The following AP1S3 variants were observed in gnomAD, a reference collection of about 807,000 sequenced individuals.
AP1S3 encodes AP-1 complex subunit sigma-3.
Under a neutral mutation model 20.9 loss-of-function variants are expected in AP1S3, and 10 were observed. The observed-to-expected ratio is 0.48, with a 90% CI of 0.29 to 0.81. The LOEUF is 0.81. AP1S3 is among the 30% of genes least tolerant of loss of function. AP1S3 has a pLI of 0.08. For missense variants in AP1S3, 154 were observed against 183.8 expected, an observed-to-expected ratio of 0.84 and a Z score of 0.94; for synonymous variants, 41 against 61.5, an observed-to-expected ratio of 0.67 and a Z score of 1.56.
chr2:223,778,698 C>CTT lies in AP1S3; in HGVS notation c.4-831_4-830dup, dbSNP rs548128939. 5.4e-4 allele frequency among the ~76,000 whole-genome samples: 78 copies of CTT among 144,156 alleles called. 1 individual carries two copies. The highest frequency in any genetic ancestry group is 1.7e-3 in the African/African-American group (64 of 38,472). The allele number at this position is 144,156 out of a possible 152,430, so 94.6% of individuals were successfully genotyped here. A position where few individuals can be genotyped will look rare whatever the true frequency, so the allele number is the denominator to read the frequency against. On this transcript the variant is annotated intron_variant, in intron 1 of 4. Transcript: ENST00000396654. ...AATGAGAAGCTGTCTTAAATGTAAG[C>CTT]TTTTTTTTTTTCTTTTGAGACAGAG...
Position 223,758,308 on chromosome 2 carries a change from A to T in AP1S3, c.*407T>A, listed in dbSNP as rs1480483463. On this transcript the variant is annotated 3_prime_UTR_variant, in exon 5 of 5. Transcript: ENST00000396654. ...AATTTAGAAAACTAAACATTTAGAAAAAGTATTAATGACATCATATATACT... is the reference window on the plus strand; with the variant it reads ...AATTTAGAAAACTAAACATTTAGAATAAGTATTAATGACATCATATATACT... 1.0e-6 allele frequency: 1 copy of T among 979,052 alleles called. No individual in the cohort carries two copies. The highest frequency in any genetic ancestry group is 1.2e-6 in the Non-Finnish European group (1 of 822,968). 60.6% of individuals were successfully genotyped at this position (979,052 alleles called of 1,614,324 possible).
At chr2:223,799,697 T>C (rs1691422392) in intron 1 of AP1S3, among the ~76,000 whole-genome samples, 2 of 152,190 alleles carry the variant, frequency 1.3e-5, no homozygotes, top group Admixed American at 1.3e-4. Flanking sequence ...TAATAACTCA[T>C]TCCTAGACTC....
At chr2:223,802,615 A>C (rs975322991) in intron 1 of AP1S3, among the ~76,000 whole-genome samples, 5 of 152,018 alleles carry the variant, frequency 3.3e-5, no homozygotes, top group Admixed American at 6.6e-5. Context: ...AAGAGCTCTT[A>C]AACAACTTTA....
chr2:223,816,640 T>C (rs374675786), intron 1 of AP1S3, among the ~76,000 whole-genome samples: 7 of 152,236 alleles, frequency 4.6e-5, no homozygotes, highest in African/African-American at 1.7e-4. Context: ...AAGCCTGAGG[T>C]TGTCCCAGCA....
At chr2:223,787,349 A>G (rs1691101406) in intron 1 of AP1S3, among the ~76,000 whole-genome samples, 1 of 152,242 alleles carries the variant, frequency 6.6e-6, no homozygotes, top group African/African-American at 2.4e-5. Flanking sequence ...GAATACAAGA[A>G]GAAATATTTA....
At chr2:223,824,481 C>T (rs953121703) in intron 1 of AP1S3, among the ~76,000 whole-genome samples, 3 of 152,210 alleles carry the variant, frequency 2.0e-5, no homozygotes, top group African/African-American at 7.2e-5. Flanking sequence ...GTGGCTGAGG[C>T]ACCGCCTGAC....
intron 1 of AP1S3, among the ~76,000 whole-genome samples, chr2:223,831,709 T>C (rs1386221488): frequency 6.6e-6 from 1 of 152,100 alleles, no homozygotes; most frequent in Admixed American, 6.5e-5. Context: ...AAGTTTCAGG[T>C]CTCTGGGAGA....
At chr2:223,790,529 C>T (rs1447807668) in intron 1 of AP1S3, among the ~76,000 whole-genome samples, 1 of 152,074 alleles carries the variant, frequency 6.6e-6, no homozygotes, top group Non-Finnish European at 1.5e-5. Flanking sequence ...CCACTGCGCC[C>T]AGTAATCGTT....
At chr2:223,797,123 T>C (rs1691355746) in intron 1 of AP1S3, among the ~76,000 whole-genome samples, 1 of 152,188 alleles carries the variant, frequency 6.6e-6, no homozygotes, top group Non-Finnish European at 1.5e-5. Context: ...TAGCACCAGT[T>C]AGTGGGGATC....
chr2:223,784,949 A>C (rs890176442), intron 1 of AP1S3, among the ~76,000 whole-genome samples: 5 of 152,228 alleles, frequency 3.3e-5, no homozygotes. Flanking sequence ...ATTAGCATAC[A>C]AAAACAATAA....
chr2:223,795,087 T>C lies in AP1S3; in HGVS notation c.4-17218A>G, dbSNP rs574014042. On this transcript the variant is annotated intron_variant, in intron 1 of 4. Transcript: ENST00000396654. ...CAATATGGAGAAACCCCATCTCTAC[T>C]ACAAATACAAAATTAGCCGGGCGTG... Among the ~76,000 whole-genome samples the C allele has an allele frequency of 7.9e-5, 12 of 152,180 alleles. No individual in the cohort carries two copies. The East Asian group carries it at 2.1e-3, about 27-fold the overall frequency.
intron 1 of AP1S3, among the ~76,000 whole-genome samples, chr2:223,788,597 C>CAAAA (rs550638882): frequency 5.8e-5 from 6 of 104,052 alleles, no homozygotes; most frequent in African/African-American, 2.0e-4. Flanking sequence ...ACTAAAAATA[C>CAAAA]AAAAAAAAAA....
Position 223,755,767 on chromosome 2 carries a change from G to A in AP1S3, c.*2948C>T, listed in dbSNP as rs1690198542. 2.3e-6 allele frequency: 2 copies of A among 879,148 alleles called. No homozygotes were observed. The highest frequency in any genetic ancestry group is 2.7e-6 in the Non-Finnish European group (2 of 733,290). The allele number at this position is 879,148 out of a possible 1,614,324, so 54.5% of individuals were successfully genotyped here. A position where few individuals can be genotyped will look rare whatever the true frequency, so the allele number is the denominator to read the frequency against. On this transcript the variant is annotated 3_prime_UTR_variant, in exon 5 of 5. Transcript: ENST00000396654. ...GCTGGTCTCGAACTCCTGACCTCAG[G>A]TGATCTGCCGCCTTGACCTCCCAAA...
chr2:223,824,272 G>T (rs1035469621), intron 1 of AP1S3, among the ~76,000 whole-genome samples: 1 of 152,038 alleles, frequency 6.6e-6, no homozygotes, highest in Non-Finnish European at 1.5e-5. Flanking sequence ...CAAAGTGCGG[G>T]GATTATAGAT....
At chr2:223,831,242 C>T (rs554056687) in intron 1 of AP1S3, among the ~76,000 whole-genome samples, 3 of 152,264 alleles carry the variant, frequency 2.0e-5, no homozygotes, top group African/African-American at 7.2e-5. Context: ...GTGATCCTCT[C>T]ATCTCAGCCT....
intron 1 of AP1S3, among the ~76,000 whole-genome samples, chr2:223,834,652 G>T (rs1369796555): frequency 1.8e-5 from 2 of 109,674 alleles, no homozygotes; most frequent in Non-Finnish European, 3.7e-5. Flanking sequence ...AGCTACTCAA[G>T]AAGCTGAGGT....
chr2:223,767,953 C>T (rs1445049459), intron 3 of AP1S3, among the ~76,000 whole-genome samples: 1 of 152,136 alleles, frequency 6.6e-6, no homozygotes, highest in Admixed American at 6.6e-5. Flanking sequence ...TCTCTGCTTT[C>T]ACAGCTGCTG....
intron 1 of AP1S3, among the ~76,000 whole-genome samples, chr2:223,835,514 G>A (rs1025828069): frequency 6.6e-6 from 1 of 152,130 alleles, no homozygotes; most frequent in Non-Finnish European, 1.5e-5. Context: ...AATTAGCTAG[G>A]CGTGGTGGCG....
Position 223,765,199 on chromosome 2 carries a change from G to A in AP1S3, c.429+14C>T. On this transcript the variant is annotated intron_variant, in intron 4 of 4. Transcript: ENST00000396654. The stretch of plus-strand genomic sequence containing the variant: ...TCATCATCTTTCTCCCATGGTTTGG[G>A]AAACCGTACTGACCTCCTGTAACAT... 2 of 1,606,960 alleles carry A rather than the reference G, an allele frequency of 1.2e-6. No homozygotes were observed. The highest frequency in any genetic ancestry group is 1.7e-6 in the Non-Finnish European group (2 of 1,178,562).
Sources: allele counts gnomAD v4.1 joint callset (sites outside exome capture counted in the v4.1 genomes callset), GRCh38; gene constraint gnomAD v4.1.1; transcripts MANE v1.5; gene names NCBI Gene and HGNC (gene_info 2026-07-23, HGNC 2026-07-21).